The following NRXN3 variants were observed in gnomAD, a reference collection of about 807,000 sequenced individuals.
The protein encoded by NRXN3 is neurexin 3.
A neutral mutation model predicts 137.6 loss-of-function variants in NRXN3; 32 were observed. That is an observed-to-expected ratio of 0.23 (90% CI 0.18 to 0.31). The LOEUF is 0.31. Among genes scored for constraint, NRXN3 ranks in the 10% least tolerant of loss-of-function variants. The probability of loss-of-function intolerance (pLI) is 1.00; values close to 1 mark genes in which losing one functional copy is unlikely to be tolerated. For synonymous variants in NRXN3, 798 were observed against 784.5 expected, an observed-to-expected ratio of 1.02 and a Z score of -0.29; for missense variants, 1,574 against 2,062.5, an observed-to-expected ratio of 0.76 and a Z score of 4.59.
chr14:79,104,557 A>G (rs888391169), intron 15 of NRXN3, among the ~76,000 whole-genome samples: 1 of 152,166 alleles, frequency 6.6e-6, no homozygotes, highest in Non-Finnish European at 1.5e-5. Flanking sequence ...GCCGTGGGTC[A>G]GGCTCTGTGG....
intron 10 of NRXN3, among the ~76,000 whole-genome samples, chr14:78,832,741 A>G (rs2152409875): frequency 6.6e-6 from 1 of 152,332 alleles, no homozygotes; most frequent in African/African-American, 2.4e-5. Flanking sequence ...AATAATAATA[A>G]TGCCAAATAC....
chr14:79,695,077 C>A (rs1023424026), intron 18 of NRXN3, among the ~76,000 whole-genome samples: 31 of 151,870 alleles, frequency 2.0e-4, no homozygotes, highest in African/African-American at 6.8e-4. Flanking sequence ...AATCTTGTAG[C>A]CCAGGAAACC....
intron 16 of NRXN3, among the ~76,000 whole-genome samples, chr14:79,509,053 GT>G (rs1472724119): frequency 6.6e-6 from 1 of 152,018 alleles, no homozygotes; most frequent in East Asian, 1.9e-4. Flanking sequence ...AAATTAGCCG[GT>G]TCTGGTGGCA....
At chr14:79,798,975 A>C (rs1264967843) in intron 19 of NRXN3, among the ~76,000 whole-genome samples, 1 of 152,192 alleles carries the variant, frequency 6.6e-6, no homozygotes. Context: ...AGGGAATTGG[A>C]AGGTAAATAT....
chr14:78,658,395 G>A (rs1230070117), intron 6 of NRXN3, among the ~76,000 whole-genome samples: 2 of 152,040 alleles, frequency 1.3e-5, no homozygotes, highest in Non-Finnish European at 2.9e-5. Context: ...ACAAATGGAG[G>A]TGTTTTATAA....
intron 5 of NRXN3, among the ~76,000 whole-genome samples, chr14:78,646,458 A>C (rs2097688838): frequency 6.6e-6 from 1 of 152,192 alleles, no homozygotes; most frequent in South Asian, 2.1e-4. Flanking sequence ...GCTTATCAAA[A>C]AGTGCTTACC....
chr14:79,499,287 A>G (rs1311600301), intron 16 of NRXN3, among the ~76,000 whole-genome samples: 2 of 152,176 alleles, frequency 1.3e-5, no homozygotes, highest in Non-Finnish European at 2.9e-5. Context: ...TTTGTCAAAC[A>G]TGCCTGGTTT....
chr14:79,196,999 A>G (rs1263879835), intron 15 of NRXN3, among the ~76,000 whole-genome samples: 2 of 152,158 alleles, frequency 1.3e-5, no homozygotes, highest in Admixed American at 1.3e-4. Flanking sequence ...GTTGAGGTTC[A>G]GGTTATATAG....
intron 14 of NRXN3, among the ~76,000 whole-genome samples, chr14:78,972,690 C>T (rs888306431): frequency 2.0e-5 from 3 of 152,132 alleles, no homozygotes; most frequent in Non-Finnish European, 4.4e-5. Flanking sequence ...CCCTGGTCTG[C>T]GCGTCCCCCT....
chr14:79,399,674 G>A (rs550409290), intron 15 of NRXN3, among the ~76,000 whole-genome samples: 14 of 152,298 alleles, frequency 9.2e-5, no homozygotes, highest in Non-Finnish European at 1.2e-4. Flanking sequence ...TTTAAAAAGC[G>A]TTGTGCTCAA....
intron 15 of NRXN3, among the ~76,000 whole-genome samples, chr14:79,453,724 A>G (rs1436963619): frequency 1.3e-5 from 2 of 152,182 alleles, no homozygotes; most frequent in African/African-American, 2.4e-5. Context: ...TCTAATCTGT[A>G]TTTCCTTTTC....
At chr14:78,834,053 G>A (rs2098989495) in intron 10 of NRXN3, among the ~76,000 whole-genome samples, 1 of 152,190 alleles carries the variant, frequency 6.6e-6, no homozygotes, top group South Asian at 2.1e-4. Context: ...TGGGAACACA[G>A]TAGGTGGGTT....
In NRXN3 at chr14:78,288,227, G is replaced by A. The variant is rs1269850042; in HGVS notation, c.727+9565G>A. ...ACTCCTGCCCTCAGGTGATCCACCC[G>A]CCTCGGCTTCCAAAAGTGCTGGGAT... On this transcript the variant is annotated intron_variant, in intron 3 of 20. Coordinates refer to ENST00000335750, the MANE Select transcript of NRXN3 (RefSeq NM_001330195.2). Among the ~76,000 whole-genome samples the A allele has an allele frequency of 4.6e-5, 7 of 152,062 alleles. 1 individual carries two copies. The highest frequency in any genetic ancestry group is 8.8e-5 in the Non-Finnish European group (6 of 68,016).
intron 15 of NRXN3, among the ~76,000 whole-genome samples, chr14:79,350,557 G>A (rs1381749648): frequency 1.3e-5 from 2 of 152,198 alleles, no homozygotes; most frequent in African/African-American, 4.8e-5. Flanking sequence ...GTTCGGGAGT[G>A]TGTGTGGCAT....
intron 8 of NRXN3, among the ~76,000 whole-genome samples, chr14:78,797,351 G>A (rs1265102221): frequency 6.6e-6 from 1 of 152,132 alleles, no homozygotes; most frequent in Non-Finnish European, 1.5e-5. Context: ...CAGGAAATGT[G>A]ACCCATACAC....
chr14:79,558,045 C>T (rs1403320448), intron 16 of NRXN3, among the ~76,000 whole-genome samples: 1 of 152,124 alleles, frequency 6.6e-6, no homozygotes, highest in Non-Finnish European at 1.5e-5. Flanking sequence ...CATCCATAAG[C>T]AGAAACTCCT....
At chr14:78,850,753 C>T (rs748414709) in intron 10 of NRXN3, among the ~76,000 whole-genome samples, 3 of 152,046 alleles carry the variant, frequency 2.0e-5, no homozygotes, top group Non-Finnish European at 2.9e-5. Context: ...GTAGAATCTG[C>T]TTAAACTGCA....
intron 4 of NRXN3, among the ~76,000 whole-genome samples, chr14:78,485,237 C>T (rs954453067): frequency 3.3e-5 from 5 of 152,088 alleles, no homozygotes; most frequent in African/African-American, 1.2e-4. Flanking sequence ...ATTGTGTGTC[C>T]CCCGGTTGGG....
intron 1 of NRXN3, among the ~76,000 whole-genome samples, chr14:78,241,210 T>G (rs1398631995): frequency 6.6e-6 from 1 of 152,222 alleles, no homozygotes; most frequent in Non-Finnish European, 1.5e-5. Flanking sequence ...TTTTACACAT[T>G]GCTCACTCTA....
Sources: allele counts gnomAD v4.1 joint callset (sites outside exome capture counted in the v4.1 genomes callset), GRCh38; gene constraint gnomAD v4.1.1; transcripts MANE v1.5; gene names NCBI Gene and HGNC (gene_info 2026-07-23, HGNC 2026-07-21).